The following TBC1D22A variants were observed in gnomAD, a reference collection of about 807,000 sequenced individuals.
The protein encoded by TBC1D22A is putative GTPase activator.
Under a neutral mutation model 60.2 loss-of-function variants are expected in TBC1D22A, and 38 were observed. The observed-to-expected ratio is 0.63, with a 90% CI of 0.49 to 0.83. TBC1D22A has a LOEUF of 0.83. Among genes scored for constraint, TBC1D22A ranks in the 40% least tolerant of loss-of-function variants. The pLI is 0.00. For synonymous variants in TBC1D22A, 302 were observed against 281.7 expected (o/e 1.07, Z -0.72); for missense variants, 628 against 701.0 (o/e 0.90, Z 1.18).
At chr22:47,093,395 A>C (rs1345167956) in intron 11 of TBC1D22A, among the ~76,000 whole-genome samples, 1 of 151,800 alleles carries the variant, frequency 6.6e-6, no homozygotes, top group African/African-American at 2.4e-5. Flanking sequence ...GCTGGTGTGC[A>C]TTTTTCTGGT....
intron 12 of TBC1D22A, among the ~76,000 whole-genome samples, chr22:47,134,917 C>T (rs1434740567): frequency 6.6e-6 from 1 of 152,194 alleles, no homozygotes; most frequent in African/African-American, 2.4e-5. Context: ...CTGCCCAGCT[C>T]TCCCGGAGCC....
At chr22:46,768,471 C>T (rs919307577) in intron 1 of TBC1D22A, among the ~76,000 whole-genome samples, 76 of 116,204 alleles carry the variant, frequency 6.5e-4, no homozygotes, top group Admixed American at 1.4e-3. Context: ...GGCAACAGAG[C>T]GAGACTCTGT....
intron 11 of TBC1D22A, among the ~76,000 whole-genome samples, chr22:47,104,039 GCTCACGC>G (rs1219595386): frequency 1.3e-5 from 2 of 152,218 alleles, no homozygotes; most frequent in Non-Finnish European, 2.9e-5. Flanking sequence ...GGGCACGGTG[GCTCACGC>G]CTGTAATCTC....
chr22:46,970,944 G>A (rs1225556902), intron 8 of TBC1D22A, among the ~76,000 whole-genome samples: 1 of 152,122 alleles, frequency 6.6e-6, no homozygotes, highest in East Asian at 1.9e-4. Flanking sequence ...GCTTGTCCTG[G>A]CCCTCACCCC....
intron 11 of TBC1D22A, among the ~76,000 whole-genome samples, chr22:47,110,513 C>G (rs146166370): frequency 6.6e-6 from 1 of 152,084 alleles, no homozygotes; most frequent in East Asian, 1.9e-4. Flanking sequence ...CGCCTTTTTT[C>G]TCTTTGGATG....
At chr22:46,900,066 T>C (rs2068902205) in intron 7 of TBC1D22A, among the ~76,000 whole-genome samples, 1 of 152,258 alleles carries the variant, frequency 6.6e-6, no homozygotes, top group African/African-American at 2.4e-5. Flanking sequence ...TCCCTTTCTC[T>C]TTCTCTCCCT....
chr22:46,785,737 C>T (rs2084132545), intron 1 of TBC1D22A, among the ~76,000 whole-genome samples: 1 of 152,164 alleles, frequency 6.6e-6, no homozygotes, highest in Admixed American at 6.6e-5. Context: ...TTTCACTGAG[C>T]ATAATATTTT....
In TBC1D22A at chr22:46,792,738, T is replaced by C. The variant is rs1431433100; in HGVS notation, c.119+162T>C. The C allele has an allele frequency of 3.3e-6, 5 of 1,518,874 alleles. No homozygotes were observed. The South Asian group carries it at 5.0e-5, about 15-fold the overall frequency. The allele number at this position is 1,518,874 out of a possible 1,614,324, so 94.1% of individuals were successfully genotyped here. On this transcript the variant is annotated intron_variant, in intron 2 of 12. Coordinates refer to ENST00000337137, the MANE Select transcript of TBC1D22A (RefSeq NM_014346.5). Reference sequence around the variant, plus strand: ...CAAGCAGTCGCTTTGTGTGAGATACTGTGCACCCCGTGCTGCGCATCCCGG... The same window carrying C: ...CAAGCAGTCGCTTTGTGTGAGATACCGTGCACCCCGTGCTGCGCATCCCGG...
chr22:47,159,442 A>G (rs2147198749), intron 12 of TBC1D22A, among the ~76,000 whole-genome samples: 1 of 151,744 alleles, frequency 6.6e-6, no homozygotes, highest in Middle Eastern at 3.4e-3. Context: ...AACACACAGC[A>G]TGTATACACA....
intron 4 of TBC1D22A, among the ~76,000 whole-genome samples, chr22:46,865,750 A>G (rs930474435): frequency 6.6e-6 from 1 of 152,130 alleles, no homozygotes; most frequent in Non-Finnish European, 1.5e-5. Context: ...CCCATGGGGG[A>G]GGCCTGTGTG....
intron 11 of TBC1D22A, among the ~76,000 whole-genome samples, chr22:47,106,698 G>GAA (rs60247080): frequency 6.0e-5 from 9 of 149,358 alleles, no homozygotes; most frequent in South Asian, 2.1e-4. Flanking sequence ...AAATAATGAG[G>GAA]AAAAAAAAAG....
chr22:47,098,299 G>A (rs956184862), intron 11 of TBC1D22A, among the ~76,000 whole-genome samples: 1 of 152,194 alleles, frequency 6.6e-6, no homozygotes, highest in African/African-American at 2.4e-5. Flanking sequence ...TTTTCCCAGG[G>A]TGAGCGTTTT....
chr22:47,061,146 TC>T (rs917736146), intron 11 of TBC1D22A, among the ~76,000 whole-genome samples: 12 of 150,122 alleles, frequency 8.0e-5, no homozygotes, highest in Admixed American at 7.3e-4. Context: ...AGCCACGCTG[TC>T]TTCCTCGGTG....
At chr22:46,864,990 AG>A (rs1401853305) in intron 4 of TBC1D22A, among the ~76,000 whole-genome samples, 1 of 152,176 alleles carries the variant, frequency 6.6e-6, no homozygotes, top group Non-Finnish European at 1.5e-5. Context: ...TCATCTCCCA[AG>A]TCACCCAGCA....
At chr22:47,075,221 T>TTAAAA (rs1233285157) in intron 11 of TBC1D22A, among the ~76,000 whole-genome samples, 1 of 47,174 alleles carries the variant, frequency 2.1e-5, no homozygotes, top group African/African-American at 1.3e-4. Flanking sequence ...AGATTCCGTC[T>TTAAAA]CAAAAAAAAA....
At chr22:46,904,730 A>G (rs1401353603) in intron 7 of TBC1D22A, among the ~76,000 whole-genome samples, 1 of 151,006 alleles carries the variant, frequency 6.6e-6, no homozygotes, top group East Asian at 2.0e-4. Flanking sequence ...GGCCTCCCAA[A>G]GTGCTGGGAT....
At chr22:46,907,961 A>G (rs997215110) in intron 7 of TBC1D22A, among the ~76,000 whole-genome samples, 20 of 152,330 alleles carry the variant, frequency 1.3e-4, no homozygotes, top group African/African-American at 4.1e-4. Flanking sequence ...AGACAGCCGC[A>G]GAGTGGCTGG....
In TBC1D22A at chr22:47,174,000, G is replaced by A. The variant is rs766828883; in HGVS notation, c.*374G>A. 5 of 208,402 alleles carry A rather than the reference G, an allele frequency of 2.4e-5. No homozygotes were observed. In the East Asian group the frequency reaches 5.1e-4, roughly 21 times the overall value. The allele number at this position is 208,402 out of a possible 1,614,324, so 12.9% of individuals were successfully genotyped here. A position where few individuals can be genotyped will look rare whatever the true frequency, so the allele number is the denominator to read the frequency against. On this transcript the variant is annotated 3_prime_UTR_variant, in exon 13 of 13. Transcript: ENST00000337137. ...GTCCTGCTGTCTGGGTGCCAGGGCCGGAACGAGGTAGTGGCCATCTCATAC... is the reference window on the plus strand; with the variant it reads ...GTCCTGCTGTCTGGGTGCCAGGGCCAGAACGAGGTAGTGGCCATCTCATAC...
intron 11 of TBC1D22A, among the ~76,000 whole-genome samples, chr22:47,060,890 C>T (rs867043989): frequency 2.6e-5 from 4 of 152,296 alleles, no homozygotes; most frequent in Admixed American, 6.5e-5. Context: ...ATCATCGGGG[C>T]GGTTGCAGAA....
Sources: allele counts gnomAD v4.1 joint callset (sites outside exome capture counted in the v4.1 genomes callset), GRCh38; gene constraint gnomAD v4.1.1; transcripts MANE v1.5; gene names NCBI Gene and HGNC (gene_info 2026-07-23, HGNC 2026-07-21).